GNPDA2: variants seen among roughly 807,000 people sequenced by gnomAD.
GNPDA2 encodes the protein glcN6P deaminase 2.
In GNPDA2, 24 loss-of-function variants were observed where a neutral mutation model predicts 27.0. That is an observed-to-expected ratio of 0.89 (90% confidence interval 0.64 to 1.25). GNPDA2 has a LOEUF of 1.25. GNPDA2 is among the 50% of genes most tolerant of loss of function. The probability of loss-of-function intolerance (pLI) is 0.00; values close to 1 mark genes in which losing one functional copy is unlikely to be tolerated. For synonymous variants in GNPDA2, 94 were observed against 108.4 expected, an observed-to-expected ratio of 0.87 and a Z score of 0.83; for missense variants, 286 against 335.1, an observed-to-expected ratio of 0.85 and a Z score of 1.14.
chr4:44,711,042 C>A lies in GNPDA2; in HGVS notation c.505G>T (p.Ala169Ser). ...TCTCCATCAAAATATTTGGCATTTG[C>A]CAAGATGGTATCCATTGCTAGAGTC... ...LKTLAMDTILANAKYFDGDLS... is the reference protein window; with the variant it reads ...LKTLAMDTILSNAKYFDGDLS... Residue 169 changes from alanine (A) to serine (S), a missense_variant, in exon 5 of 7, where the codon GCA becomes TCA. Transcript: ENST00000295448. 6.2e-7 allele frequency: 1 copy of A among 1,613,344 alleles called. No homozygotes were observed. Among genetic ancestry groups the A allele is most frequent in the Non-Finnish European group, 8.5e-7 (1 of 1,179,608 alleles).
At chr4:44,705,110 C>CT in intron 6 of GNPDA2, 1 of 984,842 alleles carries the variant, frequency 1.0e-6, no homozygotes, top group Non-Finnish European at 1.2e-6. Flanking sequence ...AAATAAAACC[C>CT]TTTAAGATTC....
intron 2 of GNPDA2, among the ~76,000 whole-genome samples, chr4:44,721,095 A>T (rs1717637223): frequency 6.6e-6 from 1 of 152,008 alleles, no homozygotes; most frequent in South Asian, 2.1e-4. Context: ...ACCAAGATCT[A>T]CTGCCCTGGA....
At chr4:44,710,900 A>T in intron 5 of GNPDA2, 53 bp downstream of exon 5, 1 of 1,336,418 alleles carries the variant, frequency 7.5e-7, no homozygotes, top group Non-Finnish European at 1.0e-6. Flanking sequence ...CTCCTCCAAA[A>T]TATTAATATA....
intron 6 of GNPDA2, chr4:44,705,556 C>T: frequency 1.5e-6 from 1 of 646,752 alleles, no homozygotes; most frequent in Non-Finnish European, 1.9e-6. Context: ...TACATATAAA[C>T]ATCTACCACC....
chr4:44,721,523 T>C (rs1717667875), intron 2 of GNPDA2, among the ~76,000 whole-genome samples: 1 of 152,088 alleles, frequency 6.6e-6, no homozygotes, highest in Non-Finnish European at 1.5e-5. Flanking sequence ...GAATGCTTAA[T>C]GGAAAACTGA....
intron 1 of GNPDA2, among the ~76,000 whole-genome samples, chr4:44,724,460 T>C (rs886460719): frequency 4.1e-4 from 63 of 152,236 alleles, no homozygotes; most frequent in Non-Finnish European, 7.8e-4. Context: ...CTTCATACTT[T>C]TTTCTACAGA....
intron 5 of GNPDA2, 64 bp downstream of exon 5, chr4:44,710,889 A>G: frequency 7.9e-7 from 1 of 1,258,394 alleles, no homozygotes; most frequent in African/African-American, 1.5e-5. Flanking sequence ...CAGCATCATA[A>G]CTCCTCCAAA....
In GNPDA2 at chr4:44,713,564, CTTCTT is replaced by C. The variant is rs768328436; in HGVS notation, c.410-2432_410-2428del. Reference sequence around the variant, plus strand: ...AGAAGGTTAACATTTTCTCCACTGTCTTCTTTTATTTTTACTTTTTAAAAACACTA... The same window carrying C: ...AGAAGGTTAACATTTTCTCCACTGTCTTATTTTTACTTTTTAAAAACACTA... On this transcript the variant is annotated intron_variant, in intron 4 of 6. Coordinates refer to ENST00000295448, the MANE Select transcript of GNPDA2 (RefSeq NM_138335.3). Among the ~76,000 whole-genome samples the C allele has an allele frequency of 5.9e-5, 9 of 152,284 alleles. No homozygotes were observed. The East Asian group carries it at 9.6e-4, about 16-fold the overall frequency.
At chr4:44,704,687 T>C in intron 6 of GNPDA2, 1 of 959,694 alleles carries the variant, frequency 1.0e-6, no homozygotes, top group Non-Finnish European at 1.2e-6. Context: ...CAAACAGAAA[T>C]AATTCTTCTG....
At chr4:44,723,268 T>C (rs1373850341) in intron 1 of GNPDA2, among the ~76,000 whole-genome samples, 1 of 152,096 alleles carries the variant, frequency 6.6e-6, no homozygotes, top group Non-Finnish European at 1.5e-5. Context: ...AAAAATGGTA[T>C]AAATTTAAGG....
intron 5 of GNPDA2, among the ~76,000 whole-genome samples, chr4:44,710,736 G>A (rs539597020): frequency 6.6e-6 from 1 of 152,152 alleles, no homozygotes; most frequent in Admixed American, 6.5e-5. Context: ...TACCTCAAAA[G>A]TGGTGGTGCT....
intron 5 of GNPDA2, among the ~76,000 whole-genome samples, chr4:44,708,670 T>C (rs1250336446): frequency 1.3e-5 from 2 of 151,308 alleles, no homozygotes; most frequent in African/African-American, 4.9e-5. Context: ...ATGTTTAAGC[T>C]GGAAATTGAT....
At position 44,710,932 on chromosome 4, in the gene GNPDA2, C is replaced by A. The variant is rs775500121; in HGVS notation, c.594+21G>T. The A allele has an allele frequency of 1.3e-6, 2 of 1,529,120 alleles. 1 individual carries two copies. Among genetic ancestry groups the A allele is most frequent in the South Asian group, 2.6e-5 (2 of 78,190 alleles). 94.7% of individuals were successfully genotyped at this position (1,529,120 alleles called of 1,614,324 possible). A position where few individuals can be genotyped will look rare whatever the true frequency, so the allele number is the denominator to read the frequency against. On this transcript the variant is annotated intron_variant, in intron 5 of 6. Coordinates refer to ENST00000295448, the MANE Select transcript of GNPDA2 (RefSeq NM_138335.3). ...TATATTAACATGAAAAGAAAGACAG[C>A]AAAGAATATTTAATGCTTACTTCTC...
chr4:44,706,933 C>T (rs1170842559), intron 6 of GNPDA2: 1 of 152,004 alleles, frequency 6.6e-6, no homozygotes, highest in Non-Finnish European at 1.5e-5. Flanking sequence ...ACTGACCTAT[C>T]TATATGATCA....
At chr4:44,712,644 G>C (rs894821119) in intron 4 of GNPDA2, among the ~76,000 whole-genome samples, 2 of 151,752 alleles carry the variant, frequency 1.3e-5, no homozygotes, top group Non-Finnish European at 2.9e-5. Flanking sequence ...ATGTGTAGAG[G>C]GAAGGATGGG....
At chr4:44,722,361 A>T in intron 1 of GNPDA2, 119 bp from the exon 2 acceptor site, 1 of 689,758 alleles carries the variant, frequency 1.4e-6, no homozygotes, top group Non-Finnish European at 2.3e-6. Flanking sequence ...GATGATTTTT[A>T]AAAGTACATT....
intron 2 of GNPDA2, among the ~76,000 whole-genome samples, chr4:44,719,920 TCA>T (rs1717563674): frequency 6.6e-6 from 1 of 152,138 alleles, no homozygotes; most frequent in Admixed American, 6.6e-5. Flanking sequence ...CTTTAAGAAC[TCA>T]CAATATAGGG....
chr4:44,707,690 GTAAGTTT>G (rs1716696132), intron 6 of GNPDA2, 55 bp downstream of exon 6: 3 of 1,421,886 alleles, frequency 2.1e-6, no homozygotes, highest in Admixed American at 1.8e-5. Flanking sequence ...CACAGTCACA[GTAAGTTT>G]TAATTGTCAC....
At chr4:44,721,903 T>C (rs1164414080) in intron 2 of GNPDA2, among the ~76,000 whole-genome samples, 181 bp downstream of exon 2, 1 of 152,200 alleles carries the variant, frequency 6.6e-6, no homozygotes, top group Non-Finnish European at 1.5e-5. Flanking sequence ...CAAGAACTAG[T>C]AACACATTGT....
Sources: allele counts gnomAD v4.1 joint callset (sites outside exome capture counted in the v4.1 genomes callset), GRCh38; gene constraint gnomAD v4.1.1; transcripts MANE v1.5; gene names NCBI Gene and HGNC (gene_info 2026-07-23, HGNC 2026-07-21).